RALGPS1: variants seen among roughly 807,000 people sequenced by gnomAD.
RALGPS1 encodes the protein ras-specific guanine nucleotide-releasing factor RalGPS1.
Under a neutral mutation model 78.8 loss-of-function variants are expected in RALGPS1, and 19 were observed. The ratio of observed to expected loss-of-function variants is 0.24; its 90% confidence interval spans 0.17 to 0.35. The LOEUF (loss-of-function observed/expected upper bound fraction) is 0.35, where lower values mean the gene tolerates loss of function less well. RALGPS1 is among the 10% of genes least tolerant of loss of function. The pLI is 1.00. For missense variants in RALGPS1, 454 were observed against 688.3 expected (o/e 0.66, Z 3.81); for synonymous variants, 228 against 256.3 (o/e 0.89, Z 1.06).
Position 126,978,874 on chromosome 9 carries a change from C to T in RALGPS1, c.216+1129C>T, listed in dbSNP as rs1222014915. ...ACCAGCAGATTTCAGTCCAGGCCAG[C>T]ATAGTCATGTGTCCAATGCTGGTCC... On this transcript the variant is annotated intron_variant, in intron 4 of 18. Coordinates refer to ENST00000259351, the MANE Select transcript of RALGPS1 (RefSeq NM_014636.3). 3.3e-5 allele frequency among the ~76,000 whole-genome samples: 5 copies of T among 152,272 alleles called. No individual in the cohort carries two copies. In the South Asian group the frequency reaches 8.3e-4, roughly 25 times the overall value.
intron 8 of RALGPS1, chr9:127,108,009 C>G: frequency 6.2e-7 from 1 of 1,601,106 alleles, no homozygotes; most frequent in Non-Finnish European, 8.5e-7. Context: ...CACTCTGGAT[C>G]TCGTTGGTAG....
At chr9:127,047,102 T>A (rs2047869407) in intron 5 of RALGPS1, among the ~76,000 whole-genome samples, 1 of 152,170 alleles carries the variant, frequency 6.6e-6, no homozygotes, top group Non-Finnish European at 1.5e-5. Context: ...TTTTTTTACA[T>A]ATACTTTTGA....
chr9:127,095,410 T>A (rs1347691836), intron 8 of RALGPS1, among the ~76,000 whole-genome samples: 1 of 152,154 alleles, frequency 6.6e-6, no homozygotes, highest in Admixed American at 6.5e-5. Flanking sequence ...CTCAAAAAAA[T>A]AAATAAATAA....
chr9:127,069,512 TACTTCCCAAGGTTGGAAACCTGG>T lies in RALGPS1; in HGVS notation c.610+158_610+180del. On this transcript the variant is annotated intron_variant, in intron 8 of 18. Transcript: ENST00000259351. Reference sequence around the variant, plus strand: ...TCTTTGGGTTGGAACAGGCTGTTGGTACTTCCCAAGGTTGGAAACCTGGATTAGGGTGATATACAAGTGATGTT... The same window carrying T: ...TCTTTGGGTTGGAACAGGCTGTTGGTATTAGGGTGATATACAAGTGATGTT... 5 of 759,418 alleles carry T rather than the reference TACTTCCCAAGGTTGGAAACCTGG, an allele frequency of 6.6e-6. No individual in the cohort carries two copies. In the South Asian group the frequency reaches 7.4e-5, roughly 11 times the overall value. The allele number at this position is 759,418 out of a possible 1,614,324, so 47.0% of individuals were successfully genotyped here.
intron 14 of RALGPS1, among the ~76,000 whole-genome samples, chr9:127,207,358 T>A (rs1037740722): frequency 1.3e-5 from 2 of 152,138 alleles, no homozygotes; most frequent in Non-Finnish European, 2.9e-5. Flanking sequence ...GCAGTCCTCC[T>A]TCTGACTCCA....
intron 7 of RALGPS1, among the ~76,000 whole-genome samples, chr9:127,062,755 G>A (rs2049333948): frequency 6.6e-6 from 1 of 152,152 alleles, no homozygotes; most frequent in South Asian, 2.1e-4. Context: ...CAGCTAGCCA[G>A]CACACCACTA....
At chr9:126,964,821 C>G (rs986640005) in intron 2 of RALGPS1, among the ~76,000 whole-genome samples, 5 of 152,118 alleles carry the variant, frequency 3.3e-5, no homozygotes, top group Non-Finnish European at 5.9e-5. Flanking sequence ...CTCTAGTTTT[C>G]AGGAAGATTA....
intron 8 of RALGPS1, among the ~76,000 whole-genome samples, chr9:127,153,623 C>T (rs1409592581): frequency 6.6e-6 from 1 of 152,066 alleles, no homozygotes; most frequent in East Asian, 1.9e-4. Context: ...AGCACATCAC[C>T]CTGTGCCCTT....
At chr9:126,983,104 T>C (rs1004756381) in intron 4 of RALGPS1, among the ~76,000 whole-genome samples, 4 of 151,614 alleles carry the variant, frequency 2.6e-5, no homozygotes, top group Non-Finnish European at 5.9e-5. Flanking sequence ...GACCGGCTAA[T>C]TATCGTAATT....
At chr9:127,088,342 C>G (rs1451024172) in intron 8 of RALGPS1, 1 of 152,520 alleles carries the variant, frequency 6.6e-6, no homozygotes, top group African/African-American at 2.4e-5. Context: ...TGTAGACATT[C>G]TGGAAGAATC....
chr9:127,050,431 A>G (rs964230813), intron 6 of RALGPS1, among the ~76,000 whole-genome samples: 5 of 152,226 alleles, frequency 3.3e-5, no homozygotes, highest in African/African-American at 1.2e-4. Context: ...GGCAGGACCC[A>G]GAGGCTGCCC....
intron 8 of RALGPS1, among the ~76,000 whole-genome samples, chr9:127,160,766 C>A (rs145301873): frequency 1.3e-5 from 2 of 152,338 alleles, no homozygotes; most frequent in Non-Finnish European, 2.9e-5. Flanking sequence ...TGGAGTCAGG[C>A]AGTCCTGAAT....
At chr9:127,103,774 G>A (rs1242818684) in intron 8 of RALGPS1, among the ~76,000 whole-genome samples, 2 of 152,226 alleles carry the variant, frequency 1.3e-5, no homozygotes, top group Non-Finnish European at 2.9e-5. Context: ...GTACCAGGAA[G>A]TAGAGCTAGA....
intron 3 of RALGPS1, among the ~76,000 whole-genome samples, chr9:126,968,321 C>A (rs1244763655): frequency 6.6e-6 from 1 of 152,074 alleles, no homozygotes; most frequent in Non-Finnish European, 1.5e-5. Context: ...TCAATTCTTA[C>A]AACAACTCAA....
Position 127,000,511 on chromosome 9 carries a change from CTG to C in RALGPS1, c.216+22767_216+22768del, listed in dbSNP as rs2043188410. Among the ~76,000 whole-genome samples the C allele has an allele frequency of 3.8e-5, 5 of 131,018 alleles. No individual in the cohort carries two copies. The South Asian group carries it at 1.3e-3, about 33-fold the overall frequency. 86.0% of individuals were successfully genotyped at this position (131,018 alleles called of 152,430 possible). On this transcript the variant is annotated intron_variant, in intron 4 of 18. Coordinates refer to ENST00000259351, the MANE Select transcript of RALGPS1 (RefSeq NM_014636.3). ...ATTTGAGGAATGGCTAGGTATATTC[CTG>C]CTATTGATTTCTTGTCTTGTCTTTT... is the stretch of plus-strand genomic sequence containing the variant.
At chr9:127,119,790 T>C (rs1468699441) in intron 8 of RALGPS1, among the ~76,000 whole-genome samples, 2 of 152,138 alleles carry the variant, frequency 1.3e-5, no homozygotes, top group Non-Finnish European at 2.9e-5. Context: ...GACTGCCTCA[T>C]TAGTAGTAAG....
At chr9:126,951,826 T>G (rs1229339000) in intron 1 of RALGPS1, among the ~76,000 whole-genome samples, 1 of 152,096 alleles carries the variant, frequency 6.6e-6, no homozygotes, top group East Asian at 1.9e-4. Flanking sequence ...CCAGGGCAAT[T>G]AGGCAGGAGA....
In RALGPS1 at chr9:127,217,074, G is replaced by A. The variant is rs1186869457; in HGVS notation, c.1645-1666G>A. On this transcript the variant is annotated intron_variant, in intron 18 of 18. Coordinates refer to ENST00000259351, the MANE Select transcript of RALGPS1 (RefSeq NM_014636.3). ...TGAGTAAAACCCATTGTCCCTCTTT[G>A]GAGGAGCGGCCAGAGGATGACAGCA... The A allele has an allele frequency of 2.8e-6, 4 of 1,403,872 alleles. No homozygotes were observed. The East Asian group carries it at 1.1e-4, about 39-fold the overall frequency. 87.0% of individuals were successfully genotyped at this position (1,403,872 alleles called of 1,614,324 possible). A position where few individuals can be genotyped will look rare whatever the true frequency, so the allele number is the denominator to read the frequency against.
chr9:127,132,667 T>A (rs147462061), intron 8 of RALGPS1, among the ~76,000 whole-genome samples: 172 of 152,358 alleles, frequency 1.1e-3, no homozygotes, highest in African/African-American at 4.1e-3. Context: ...GTTTGAACCC[T>A]GGGCCTGCCC....
Sources: gnomAD v4.1 joint callset for allele counts (sites outside exome capture counted in the v4.1 genomes callset) on GRCh38, gnomAD v4.1.1 for gene constraint, MANE v1.5 for transcripts, NCBI Gene and HGNC (gene_info 2026-07-23, HGNC 2026-07-21) for gene names.